The following EIF4E variants were observed in gnomAD, a reference collection of about 807,000 sequenced individuals.
EIF4E encodes eIF-4F 25 kDa subunit.
For synonymous variants in EIF4E, 71 were observed against 88.5 expected, an observed-to-expected ratio of 0.80 and a Z score of 1.11; for missense variants, 113 against 265.6, an observed-to-expected ratio of 0.43 and a Z score of 3.99.
chr4:98,883,393 ATTTTTTTTT>A lies in EIF4E; in HGVS notation c.539+1520_539+1528del, dbSNP rs11408890. Among the ~76,000 whole-genome samples the A allele has an allele frequency of 5.8e-5, 6 of 103,874 alleles. No individual in the cohort carries two copies. The East Asian group carries it at 1.4e-3, about 24-fold the overall frequency. The allele number at this position is 103,874 out of a possible 152,430, so 68.1% of individuals were successfully genotyped here. On this transcript the variant is annotated intron_variant, in intron 6 of 6. Coordinates refer to ENST00000450253, the MANE Select transcript of EIF4E (RefSeq NM_001968.5). The stretch of plus-strand genomic sequence containing the variant: ...ATTTTAACATAAAATTGTAAGTCAA[ATTTTTTTTT>A]TTTTTTTTTTTTTTGTGAGACAGTC...
chr4:98,919,882 T>C (rs1009721575), intron 1 of EIF4E, among the ~76,000 whole-genome samples: 1 of 152,164 alleles, frequency 6.6e-6, no homozygotes, highest in African/African-American at 2.4e-5. Context: ...TCTGAGGCCA[T>C]ACTGCACAAT....
At chr4:98,912,219 T>C (rs1373473436) in intron 1 of EIF4E, among the ~76,000 whole-genome samples, 6 of 145,162 alleles carry the variant, frequency 4.1e-5, no homozygotes, top group Non-Finnish European at 7.5e-5. Context: ...GCCACTGCAC[T>C]CCAGCCTAGA....
chr4:98,889,083 C>T (rs1579152408), intron 3 of EIF4E, among the ~76,000 whole-genome samples: 1 of 151,560 alleles, frequency 6.6e-6, no homozygotes, highest in South Asian at 2.1e-4. Context: ...CGCTTGAACC[C>T]AGGAGGCGGA....
At position 98,906,163 on chromosome 4, in the gene EIF4E, T is replaced by A. The variant is rs1014332143; in HGVS notation, c.19-4181A>T. On this transcript the variant is annotated intron_variant, in intron 1 of 6. Coordinates refer to ENST00000450253, the MANE Select transcript of EIF4E (RefSeq NM_001968.5). ...CCCTCAGAATACCCCATTTGTGTCC[T>A]CCATTACCTTCATTCAACAAATATC... is the stretch of plus-strand genomic sequence containing the variant. 3.3e-5 allele frequency among the ~76,000 whole-genome samples: 5 copies of A among 152,342 alleles called. No homozygotes were observed. The East Asian group carries it at 9.6e-4, about 29-fold the overall frequency.
intron 1 of EIF4E, among the ~76,000 whole-genome samples, chr4:98,911,892 T>A (rs980575924): frequency 6.6e-6 from 1 of 150,712 alleles, no homozygotes. Flanking sequence ...ACAAGGCTAA[T>A]GATAAAATTT....
At chr4:98,890,209 A>G (rs1724091074) in intron 3 of EIF4E, among the ~76,000 whole-genome samples, 1 of 152,212 alleles carries the variant, frequency 6.6e-6, no homozygotes, top group Admixed American at 6.5e-5. Flanking sequence ...ATATGTATAA[A>G]TTTTATACCA....
intron 1 of EIF4E, among the ~76,000 whole-genome samples, chr4:98,903,702 A>G (rs1380189420): frequency 6.6e-6 from 1 of 152,202 alleles, no homozygotes; most frequent in African/African-American, 2.4e-5. Context: ...ATTTTACTCA[A>G]TAATCACAGT....
Position 98,903,851 on chromosome 4 carries a change from C to T in EIF4E, c.19-1869G>A, listed in dbSNP as rs778614336. Among the ~76,000 whole-genome samples the T allele has an allele frequency of 3.5e-4, 53 of 152,240 alleles. 1 individual carries two copies. Among genetic ancestry groups the T allele is most frequent in the Non-Finnish European group, 5.7e-4 (39 of 68,024 alleles). On this transcript the variant is annotated intron_variant, in intron 1 of 6. Transcript: ENST00000450253. The stretch of plus-strand genomic sequence containing the variant: ...AAACATTTTTATCAACATTTACTTA[C>T]CAGTAAATTTAAGTGTTCAAACAGA...
chr4:98,884,861 A>G, intron 6 of EIF4E, 61 bp downstream of exon 6: 4 of 1,596,322 alleles, frequency 2.5e-6, no homozygotes, highest in Non-Finnish European at 3.4e-6. Context: ...TACAAATAAA[A>G]TAACTTCTGG....
chr4:98,880,216 A>G lies in EIF4E; in HGVS notation c.*812T>C, dbSNP rs982626507. The G allele has an allele frequency of 6.7e-6, 1 of 149,676 alleles. No homozygotes were observed. The highest frequency in any genetic ancestry group is 1.5e-5 in the Non-Finnish European group (1 of 67,406). The allele number at this position is 149,676 out of a possible 1,614,324, so 9.3% of individuals were successfully genotyped here. A position where few individuals can be genotyped will look rare whatever the true frequency, so the allele number is the denominator to read the frequency against. Reference sequence around the variant, plus strand: ...ACAGCATAAAGATACAAAAACAGACATACTAATTCTAGTTAGGAATGTAAT... The same window carrying G: ...ACAGCATAAAGATACAAAAACAGACGTACTAATTCTAGTTAGGAATGTAAT... On this transcript the variant is annotated 3_prime_UTR_variant, in exon 7 of 7. Transcript: ENST00000450253.
intron 1 of EIF4E, among the ~76,000 whole-genome samples, chr4:98,920,098 T>A (rs759571334): frequency 6.6e-5 from 10 of 152,106 alleles, no homozygotes; most frequent in Non-Finnish European, 1.5e-4. Context: ...CTCAAAAAAT[T>A]GTAATTGGGC....
rs537822172 is a variant in EIF4E, at chr4:98,916,751, A to C, written c.18+12344T>G. Among the ~76,000 whole-genome samples the C allele has an allele frequency of 2.4e-3, 359 of 152,290 alleles. 1 individual carries two copies. The highest frequency in any genetic ancestry group is 7.8e-3 in the African/African-American group (326 of 41,566). On this transcript the variant is annotated intron_variant, in intron 1 of 6. Transcript: ENST00000450253. The stretch of plus-strand genomic sequence containing the variant: ...GAAGAATTCTATGTCCAGCCAAACT[A>C]CAGGTATGACACTTAATATTCAAGG...
chr4:98,893,951 G>C (rs1224741486), intron 2 of EIF4E, among the ~76,000 whole-genome samples: 1 of 152,170 alleles, frequency 6.6e-6, no homozygotes, highest in East Asian at 1.9e-4. Flanking sequence ...ATTCCTCTTT[G>C]CTGCTCCATA....
chr4:98,891,986 G>C (rs997333563), intron 2 of EIF4E, among the ~76,000 whole-genome samples: 7 of 152,168 alleles, frequency 4.6e-5, no homozygotes, highest in Non-Finnish European at 8.8e-5. Context: ...TCACAGAAAT[G>C]ACGCAGAGAG....
rs768945365 is a variant in EIF4E, at chr4:98,887,033, AT to A, written c.399+45del. 3.8e-6 allele frequency: 6 copies of A among 1,566,412 alleles called. No homozygotes were observed. In the South Asian group the frequency reaches 6.7e-5, roughly 17 times the overall value. On this transcript the variant is annotated intron_variant, in intron 5 of 6. Coordinates refer to ENST00000450253, the MANE Select transcript of EIF4E (RefSeq NM_001968.5). The surrounding 1 kb of genome is among the most constrained non-coding windows in gnomAD (Gnocchi z 4.0). Reference sequence around the variant, plus strand: ...AACATAACATATCTTAAGTATCAGTATTCCAAAACTACCTCTAAAACTGCTT... The same window carrying A: ...AACATAACATATCTTAAGTATCAGTATCCAAAACTACCTCTAAAACTGCTT...
intron 1 of EIF4E, among the ~76,000 whole-genome samples, chr4:98,924,765 G>A (rs1013450291): frequency 1.3e-5 from 2 of 151,934 alleles, no homozygotes; most frequent in Non-Finnish European, 2.9e-5. Flanking sequence ...GCTAATTTTT[G>A]TATTTTTAGT....
chr4:98,923,377 G>C (rs1268425020), intron 1 of EIF4E, among the ~76,000 whole-genome samples: 1 of 151,590 alleles, frequency 6.6e-6, no homozygotes, highest in Non-Finnish European at 1.5e-5. Flanking sequence ...ATGCAGTGGT[G>C]TGATCACAGC....
In EIF4E at chr4:98,914,471, T is replaced by A. The variant is rs1725290693; in HGVS notation, c.19-12489A>T. Among the ~76,000 whole-genome samples the A allele has an allele frequency of 2.0e-5, 3 of 148,220 alleles. No homozygotes were observed. In the South Asian group the frequency reaches 6.4e-4, roughly 31 times the overall value. ...ATCCAGAAAATGAAACATTGCTGAA[T>A]GCTAAAATAAAATGAGTTATCAAGC... On this transcript the variant is annotated intron_variant, in intron 1 of 6. Transcript: ENST00000450253.
intron 1 of EIF4E, among the ~76,000 whole-genome samples, chr4:98,911,041 T>G (rs1725102415): frequency 6.7e-6 from 1 of 149,780 alleles, no homozygotes; most frequent in African/African-American, 2.5e-5. Flanking sequence ...GCCTAAAACT[T>G]GGATGAATCC....
Sources: gnomAD v4.1 joint callset for allele counts (sites outside exome capture counted in the v4.1 genomes callset) on GRCh38, gnomAD v4.1.1 for gene constraint, Gnocchi (gnomAD v3.1) non-coding constraint, MANE v1.5 for transcripts, NCBI Gene and HGNC (gene_info 2026-07-23, HGNC 2026-07-21) for gene names.